Variants in MICAL1 observed in about 807,000 individuals in gnomAD.
MICAL1 encodes [F-actin]-monooxygenase MICAL1.
In MICAL1, 95 loss-of-function variants were observed where a neutral mutation model predicts 131.8. That is an observed-to-expected ratio of 0.72 (90% CI 0.61 to 0.86). The LOEUF (loss-of-function observed/expected upper bound fraction) is 0.86. Ranked by LOEUF, MICAL1 falls within the 40% of genes least tolerant of loss-of-function variation. The pLI, the probability that MICAL1 is intolerant of heterozygous loss-of-function variation, is 0.00. For missense variants in MICAL1, 1,292 were observed against 1,380.6 expected (o/e 0.94, Z 1.02); for synonymous variants, 546 against 554.2 (o/e 0.99, Z 0.21).
intron 22 of MICAL1, 61 bp from the exon 23 acceptor site, chr6:109,445,056 A>G: frequency 6.3e-7 from 1 of 1,593,246 alleles, no homozygotes; most frequent in Non-Finnish European, 8.6e-7. Flanking sequence ...CACAGGAGTT[A>G]CAGGCTTAGG....
In MICAL1 at chr6:109,444,294, A is replaced by G; in HGVS notation, c.3101T>C (p.Leu1034Pro). Residue 1034 changes from leucine (L) to proline (P), a missense_variant, in exon 25 of 25, where the codon CTG (leucine) becomes CCG (proline). Physicochemically the swap from Leu to Pro is moderately conservative, Grantham distance 98. Coordinates refer to ENST00000358807, the MANE Select transcript of MICAL1 (RefSeq NM_022765.4). ...GTTGACCAAATCCACCAGCTTCCTC[A>G]GGACCTGGTCCTCAGCCTGCCGATC... Reference protein sequence around the residue: ...AADRQAEDQVLRKLVDLVNQR... With the variant: ...AADRQAEDQVPRKLVDLVNQR... 6.2e-7 allele frequency: 1 copy of G among 1,613,510 alleles called. No individual in the cohort carries two copies. Among genetic ancestry groups the G allele is most frequent in the South Asian group, 1.1e-5 (1 of 91,088 alleles).
At chr6:109,457,119 A>C (rs1192010425), upstream of MICAL1, among the ~76,000 whole-genome samples, 1 of 152,110 alleles carries the variant, frequency 6.6e-6, no homozygotes, top group African/African-American at 2.4e-5. Flanking sequence ...AGACCCAGTA[A>C]GACCTGAACA....
In MICAL1 at chr6:109,455,485, TG is replaced by T. The variant is rs954577876; in HGVS notation, c.-44+233del. On this transcript the variant is annotated intron_variant, in intron 1 of 24. Coordinates refer to ENST00000358807, the MANE Select transcript of MICAL1 (RefSeq NM_022765.4). The surrounding 1 kb of genome is among the most constrained non-coding windows in gnomAD (Gnocchi z 4.7). Reference sequence around the variant, plus strand: ...GCCAGGACAAAGGCTGTGAGAGGGGTGGAGCGGTCTGAAAGGATGGAGAGGG... The same window carrying T: ...GCCAGGACAAAGGCTGTGAGAGGGGTGAGCGGTCTGAAAGGATGGAGAGGG... 3 of 154,084 alleles carry T rather than the reference TG, an allele frequency of 1.9e-5. No individual in the cohort carries two copies. The highest frequency in any genetic ancestry group is 4.3e-5 in the Non-Finnish European group (3 of 70,076). The allele number at this position is 154,084 out of a possible 1,614,324, so 9.5% of individuals were successfully genotyped here.
chr6:109,444,659 C>CT, intron 24 of MICAL1, 66 bp downstream of exon 24: 1 of 1,569,938 alleles, frequency 6.4e-7, no homozygotes. Context: ...TGGTCAGTAT[C>CT]TGAGATCATG....
At chr6:109,465,828 A>C in exon 1 of MICAL1, 1 of 1,614,180 alleles carries the variant, frequency 6.2e-7, no homozygotes, top group South Asian at 1.1e-5. Flanking sequence ...GAGCCCAATC[A>C]AGCAGTCAAA....
intron 20 of MICAL1, 74 bp downstream of exon 20, chr6:109,445,697 G>C: frequency 6.5e-7 from 1 of 1,539,842 alleles, no homozygotes; most frequent in Admixed American, 1.9e-5. Context: ...CAAGAGAAGG[G>C]TGCAGTGGAC....
Position 109,445,626 on chromosome 6 carries a change from G to GT in MICAL1, c.2674-98_2674-97insA, listed in dbSNP as rs1775178794. 19 of 1,512,154 alleles carry GT rather than the reference G, an allele frequency of 1.3e-5. No individual in the cohort carries two copies. The Admixed American group carries it at 1.6e-4, about 13-fold the overall frequency. 93.7% of individuals were successfully genotyped at this position (1,512,154 alleles called of 1,614,324 possible). On this transcript the variant is annotated intron_variant, in intron 20 of 24. Coordinates refer to ENST00000358807, the MANE Select transcript of MICAL1 (RefSeq NM_022765.4). The stretch of plus-strand genomic sequence containing the variant: ...CAGAAAATAACCCGTGCTGAAGTGG[G>GT]GTAAGCTCTGGTAGAAAAGGTAGAG...
rs1481097714 is a variant in MICAL1, at chr6:109,450,431, C to G, written c.1060G>C (p.Asp354His). 2 of 1,613,614 alleles carry G rather than the reference C, an allele frequency of 1.2e-6. No homozygotes were observed. The highest frequency in any genetic ancestry group is 4.5e-5 in the East Asian group (2 of 44,882). The change falls in exon 8 of 25, where the codon GAT becomes CAT. Residue 354 changes from aspartate to histidine, a missense_variant. Transcript: ENST00000358807. ...GAGACATCAGGCTGCCCATGGGCAT[C>G]CTGGGCAAACTCTAGTTTCCCGAGC... is the stretch of plus-strand genomic sequence containing the variant. ...GKLGKLEFAQ[D>H]AHGQPDVSAF... is the part of the protein sequence containing the mutation.
chr6:109,458,385 C>G (rs999783302), upstream of MICAL1, among the ~76,000 whole-genome samples: 6 of 152,050 alleles, frequency 3.9e-5, no homozygotes, highest in African/African-American at 1.4e-4. Context: ...CACCTGAGGT[C>G]GGGAGTTCGA....
At chr6:109,464,887 C>T (rs1033341493) in intron 1 of MICAL1, 3 of 152,180 alleles carry the variant, frequency 2.0e-5, no homozygotes, top group East Asian at 1.9e-4. Flanking sequence ...AAGCTTCCAT[C>T]TCCAGAAAGT....
rs780711413 is a variant in MICAL1 at position 109,449,020 on chromosome 6, A to G, written c.1517-141T>C. 1.0e-5 allele frequency: 11 copies of G among 1,081,616 alleles called. No individual in the cohort carries two copies. In the East Asian group the frequency reaches 2.8e-4, roughly 28 times the overall value. The allele number at this position is 1,081,616 out of a possible 1,614,324, so 67.0% of individuals were successfully genotyped here. On this transcript the variant is annotated intron_variant, in intron 11 of 24. Transcript: ENST00000358807. ...CTACTAGGGCACCAGCCTAAAGCTG[A>G]CTATCAGCAGCTCTCCATCCCAATT...
At position 109,445,243 on chromosome 6, in the gene MICAL1, T is replaced by C. The variant is rs768182802; in HGVS notation, c.2835A>G (p.Leu945=). 1.9e-6 allele frequency: 3 copies of C among 1,614,078 alleles called. No homozygotes were observed. In the Admixed American group the frequency reaches 5.0e-5, roughly 27 times the overall value. The change falls in exon 22 of 25, where the codon CTA becomes CTG. Residue 945 remains leucine, a synonymous_variant. Coordinates refer to ENST00000358807, the MANE Select transcript of MICAL1 (RefSeq NM_022765.4). ...LNEIEAALRE[L]EAEGVKLELA... is the part of the protein sequence containing the mutation. ...GCTCCAGCTTCACGCCCTCGGCCTC[T>C]AGCTCCCTCAAGGCAGCCTCAATCT...
At chr6:109,455,776 C>T, upstream of MICAL1, 1 of 364,654 alleles carries the variant, frequency 2.7e-6, no homozygotes, top group Non-Finnish European at 3.0e-6. This position sits in a 1 kb window ranked among gnomAD's most constrained non-coding sequence, Gnocchi z 4.7. Context: ...CAGGTCTGAG[C>T]GGGTGGGAGG....
chr6:109,445,977 T>C, intron 19 of MICAL1, 115 bp from the exon 20 acceptor site: 2 of 1,498,902 alleles, frequency 1.3e-6, no homozygotes, highest in Non-Finnish European at 1.8e-6. Flanking sequence ...ATGTATGTGT[T>C]GGGGCATGGG....
intron 7 of MICAL1, among the ~76,000 whole-genome samples, chr6:109,451,050 G>A (rs1354724778): frequency 6.6e-6 from 1 of 152,020 alleles, no homozygotes; most frequent in African/African-American, 2.4e-5. Flanking sequence ...CAAAGAGACA[G>A]AAATGCCTGC....
rs368801401 is a variant in MICAL1 at position 109,444,316 on chromosome 6, G to C, written c.3079C>G (p.Arg1027Gly). The C allele has an allele frequency of 1.2e-6, 2 of 1,613,436 alleles. No homozygotes were observed. Among genetic ancestry groups the C allele is most frequent in the African/African-American group, 2.7e-5 (2 of 74,914 alleles). Residue 1027 changes from arginine to glycine, a missense_variant, in exon 25 of 25, where the codon CGG (arginine) becomes GGG (glycine). Physicochemically the swap from Arg to Gly is moderately radical, Grantham distance 125. Coordinates refer to ENST00000358807, the MANE Select transcript of MICAL1 (RefSeq NM_022765.4). Reference protein sequence around the residue: ...REENLKTAADRQAEDQVLRKL... With the variant: ...REENLKTAADGQAEDQVLRKL... ...CTCAGGACCTGGTCCTCAGCCTGCC[G>C]ATCAGCAGCTGTCTTTAGGTTTTCT...
At position 109,446,783 on chromosome 6, in the gene MICAL1, T is replaced by G. The variant is rs755797649; in HGVS notation, c.2228-11A>C. ...GGCAGTAGAAATGTCCTGGAAAGGG[T>G]AGAGAGGGGAGGAGGCATTTGGTGT... is the stretch of plus-strand genomic sequence containing the variant. On this transcript the variant is annotated splice_polypyrimidine_tract_variant and intron_variant, in intron 17 of 24. Transcript: ENST00000358807. The G allele has an allele frequency of 6.2e-7, 1 of 1,611,876 alleles. No homozygotes were observed. Among genetic ancestry groups the G allele is most frequent in the Non-Finnish European group, 8.5e-7 (1 of 1,179,146 alleles).
chr6:109,458,088 G>A (rs1261397487), upstream of MICAL1, among the ~76,000 whole-genome samples: 3 of 146,652 alleles, frequency 2.0e-5, no homozygotes, highest in Non-Finnish European at 4.5e-5. Context: ...CAGACTAGAA[G>A]ACCCAAACCA....
Position 109,445,860 on chromosome 6 carries a change from G to C in MICAL1, c.2584C>G (p.Leu862Val). 6.3e-7 allele frequency: 1 copy of C among 1,599,292 alleles called. No homozygotes were observed. Among genetic ancestry groups the C allele is most frequent in the Non-Finnish European group, 8.5e-7 (1 of 1,172,280 alleles). ...TTTTCCTCCTTCTCCATGGCCACAA[G>C]AGCTGAGAAGAAGAACTGAGACGTT... ...WGLPVQSPQALVAMEKEEKES... is the reference protein window; with the variant it reads ...WGLPVQSPQAVVAMEKEEKES... The change falls in exon 20 of 25, where the codon CTT (leucine) becomes GTT (valine). Residue 862 changes from leucine to valine, a missense_variant and splice_region_variant. By Grantham distance (32) the Leu-to-Val change is conservative. Transcript: ENST00000358807.
Sources: gnomAD v4.1 joint callset for allele counts (sites outside exome capture counted in the v4.1 genomes callset) on GRCh38, gnomAD v4.1.1 for gene constraint, Gnocchi (gnomAD v3.1) non-coding constraint, MANE v1.5 for transcripts, NCBI Gene and HGNC (gene_info 2026-07-23, HGNC 2026-07-21) for gene names.